Variants in IL7 observed in about 807,000 individuals in gnomAD.
IL7 encodes the protein interleukin 7.
IL7 carries 3 observed loss-of-function variants against 21.6 expected under a neutral mutation model. That is an observed-to-expected ratio of 0.14 (90% confidence interval 0.06 to 0.36). IL7 has a LOEUF of 0.36. IL7 is among the 10% of genes least tolerant of loss of function. IL7 has a pLI of 1.00. For missense variants in IL7, 175 were observed against 200.2 expected (o/e 0.87, Z 0.76); for synonymous variants, 62 against 68.1 (o/e 0.91, Z 0.44).
chr8:78,686,341 A>C, intron 3 of IL7: 2 of 783,390 alleles, frequency 2.6e-6, no homozygotes, highest in Non-Finnish European at 3.5e-6. Flanking sequence ...TTTGAGAAGG[A>C]TATCATTTAA....
chr8:78,706,478 C>T lies in IL7; in HGVS notation n.214+14870G>A, dbSNP rs535533656. Among the ~76,000 whole-genome samples the T allele has an allele frequency of 2.8e-4, 42 of 152,204 alleles. 1 individual carries two copies. The highest frequency in any genetic ancestry group is 9.6e-4 in the African/African-American group (40 of 41,524). On this transcript the variant is annotated intron_variant and non_coding_transcript_variant, in intron 3 of 4. Transcript: ENST00000523959. The stretch of plus-strand genomic sequence containing the variant: ...TGGCTTCACAAGGGCGTCTCTTGAC[C>T]CAAGGGTTGCAAAGATCCGTTGGAG...
At chr8:78,759,673 G>T (rs1297673410) in intron 2 of IL7, among the ~76,000 whole-genome samples, 2 of 152,072 alleles carry the variant, frequency 1.3e-5, no homozygotes, top group African/African-American at 4.8e-5. Flanking sequence ...GCTTTTCTCT[G>T]GTAATTTCTT....
intron 2 of IL7, among the ~76,000 whole-genome samples, chr8:78,767,839 T>G (rs1209579422): frequency 3.9e-5 from 6 of 152,144 alleles, no homozygotes; most frequent in African/African-American, 1.4e-4. Flanking sequence ...GTTACATAAG[T>G]ATACATGTGC....
chr8:78,734,021 G>A (rs1431799545), intron 5 of IL7, among the ~76,000 whole-genome samples, 189 bp from the exon 6 acceptor site: 1 of 152,058 alleles, frequency 6.6e-6, no homozygotes, highest in Non-Finnish European at 1.5e-5. Context: ...AAAATTCAAG[G>A]TTGGTGTGAT....
At chr8:78,692,857 A>G (rs547832601) in intron 3 of IL7, among the ~76,000 whole-genome samples, 2 of 152,080 alleles carry the variant, frequency 1.3e-5, no homozygotes, top group African/African-American at 2.4e-5. Context: ...CATGGAGTAT[A>G]TCTCCTAATG....
At chr8:78,791,072 G>A (rs574764552) in intron 2 of IL7, among the ~76,000 whole-genome samples, 1 of 152,158 alleles carries the variant, frequency 6.6e-6, no homozygotes, top group South Asian at 2.1e-4. Context: ...TACATCTCTG[G>A]TGAAGTGATG....
intron 5 of IL7, among the ~76,000 whole-genome samples, chr8:78,720,572 A>G (rs1811219255): frequency 6.6e-6 from 1 of 151,862 alleles, no homozygotes; most frequent in Non-Finnish European, 1.5e-5. Flanking sequence ...GCCTCTCAGC[A>G]ATATACATAT....
At chr8:78,699,804 C>A (rs540016466) in intron 3 of IL7, among the ~76,000 whole-genome samples, 43 of 152,100 alleles carry the variant, frequency 2.8e-4, no homozygotes, top group Non-Finnish European at 5.3e-4. Context: ...TGATCTAATT[C>A]CTTTTTATGG....
At chr8:78,745,193 G>T (rs1811938169) in intron 2 of IL7, among the ~76,000 whole-genome samples, 1 of 152,088 alleles carries the variant, frequency 6.6e-6, no homozygotes, top group Admixed American at 6.5e-5. Context: ...TTTAATTTCA[G>T]CATAGTTTTC....
At chr8:78,776,780 T>C (rs1380729433) in intron 2 of IL7, among the ~76,000 whole-genome samples, 4 of 151,832 alleles carry the variant, frequency 2.6e-5, no homozygotes, top group Admixed American at 6.6e-5. Context: ...TATCCCCACT[T>C]TAGAAATAAG....
chr8:78,766,006 A>C (rs1030747563), intron 2 of IL7, among the ~76,000 whole-genome samples: 1 of 152,120 alleles, frequency 6.6e-6, no homozygotes, highest in African/African-American at 2.4e-5. Context: ...AAATGAAATG[A>C]GCTATAAAGC....
At position 78,733,152 on chromosome 8, in the gene IL7, T is replaced by C. The variant is rs1170209495; in HGVS notation, c.*561A>G. 6.6e-6 allele frequency: 1 copy of C among 152,152 alleles called. No individual in the cohort carries two copies. Among genetic ancestry groups the C allele is most frequent in the Non-Finnish European group, 1.5e-5 (1 of 68,018 alleles). The allele number at this position is 152,152 out of a possible 1,614,324, so 9.4% of individuals were successfully genotyped here. A position where few individuals can be genotyped will look rare whatever the true frequency, so the allele number is the denominator to read the frequency against. ...TTAATTAAATCTCTTGAAATCTCTT[T>C]TAGGTATCTTGGACCTTGTTATGCT... On this transcript the variant is annotated 3_prime_UTR_variant, in exon 6 of 6. Coordinates refer to ENST00000263851, the MANE Select transcript of IL7 (RefSeq NM_000880.4).
At chr8:78,707,563 G>A (rs953651297) in intron 3 of IL7, among the ~76,000 whole-genome samples, 10 of 152,182 alleles carry the variant, frequency 6.6e-5, no homozygotes, top group Admixed American at 6.5e-5. Context: ...GAGATTTTGA[G>A]TACAATAATT....
At chr8:78,765,317 G>C (rs1812721848) in intron 2 of IL7, among the ~76,000 whole-genome samples, 1 of 152,074 alleles carries the variant, frequency 6.6e-6, no homozygotes, top group Non-Finnish European at 1.5e-5. Context: ...CTATGAAAGA[G>C]GTGATTGATA....
At chr8:78,727,069 T>C (rs1811351975) in intron 3 of IL7, among the ~76,000 whole-genome samples, 1 of 152,018 alleles carries the variant, frequency 6.6e-6, no homozygotes, top group Admixed American at 6.6e-5. Flanking sequence ...CTCCAAGGAC[T>C]GGTACATCTG....
At chr8:78,683,344 C>T (rs1809852088) in intron 4 of IL7, among the ~76,000 whole-genome samples, 1 of 152,338 alleles carries the variant, frequency 6.6e-6, no homozygotes, top group East Asian at 1.9e-4. Context: ...CAGGTGTTTC[C>T]ATACATTCTC....
intron 2 of IL7, among the ~76,000 whole-genome samples, chr8:78,784,979 A>T (rs911707731): frequency 6.6e-6 from 1 of 152,086 alleles, no homozygotes; most frequent in Non-Finnish European, 1.5e-5. Flanking sequence ...TTGTCTAGGT[A>T]TCAAATTCTG....
intron 1 of IL7, 96 bp downstream of exon 1, chr8:78,804,817 C>G (rs553442291): frequency 6.9e-7 from 1 of 1,444,044 alleles, no homozygotes; most frequent in Non-Finnish European, 9.6e-7. Context: ...CCGGGCTATT[C>G]CCGGACTTGC....
chr8:78,744,440 G>T (rs1811906704), intron 2 of IL7, among the ~76,000 whole-genome samples: 2 of 152,134 alleles, frequency 1.3e-5, no homozygotes, highest in Admixed American at 1.3e-4. Context: ...AAGTCTGCAG[G>T]CTGAAAAAGG....
Sources: allele counts gnomAD v4.1 joint callset (sites outside exome capture counted in the v4.1 genomes callset), GRCh38; gene constraint gnomAD v4.1.1; transcripts MANE v1.5; gene names NCBI Gene and HGNC (gene_info 2026-07-23, HGNC 2026-07-21).